CA13: variants seen among roughly 807,000 people sequenced by gnomAD.
CA13 encodes CA-XIII.
CA13 carries 21 observed loss-of-function variants against 31.5 expected under a neutral mutation model. The observed-to-expected ratio is 0.67, with a 90% CI of 0.47 to 0.96. The LOEUF is 0.96. CA13 is among the 40% of genes least tolerant of loss of function. The probability of loss-of-function intolerance (pLI) is 0.00; values close to 1 mark genes in which losing one functional copy is unlikely to be tolerated. For missense variants in CA13, 315 were observed against 318.9 expected (o/e 0.99, Z 0.09); for synonymous variants, 117 against 111.4 (o/e 1.05, Z -0.32).
rs547038360 is a variant in CA13 at position 85,271,866 on chromosome 8, C to T, written c.669+3239C>T. Among the ~76,000 whole-genome samples the T allele has an allele frequency of 1.4e-4, 21 of 152,138 alleles. No individual in the cohort carries two copies. The South Asian group carries it at 3.1e-3, about 23-fold the overall frequency. On this transcript the variant is annotated intron_variant, in intron 6 of 6. Transcript: ENST00000321764. ...GATGGATCACCTAAGGTCTGGAGTT[C>T]GAGACCAGCCTGGTCAACATGGTAA...
intron 2 of CA13, among the ~76,000 whole-genome samples, chr8:85,253,414 G>A (rs1264581421): frequency 1.3e-5 from 2 of 151,886 alleles, no homozygotes; most frequent in Non-Finnish European, 2.9e-5. Flanking sequence ...ACAGGCATGT[G>A]CTCCCATGCC....
chr8:85,246,314 T>A (rs1266895563), intron 1 of CA13: 1 of 455,794 alleles, frequency 2.2e-6, no homozygotes, highest in Admixed American at 2.4e-5. Flanking sequence ...TAAAAATATA[T>A]TTAGGAAATC....
chr8:85,268,232 C>G (rs1393143791), intron 5 of CA13, among the ~76,000 whole-genome samples: 1 of 152,012 alleles, frequency 6.6e-6, no homozygotes, highest in African/African-American at 2.4e-5. Flanking sequence ...ATTTAAGGGA[C>G]CACTTATATG....
At chr8:85,281,146 T>C (rs1372846672) in intron 6 of CA13, 84 bp from the exon 7 acceptor site, 1 of 1,493,102 alleles carries the variant, frequency 6.7e-7, no homozygotes, top group Non-Finnish European at 9.1e-7. Context: ...TTCCTGGTTA[T>C]AGATATATCT....
chr8:85,277,999 A>T (rs796431111), intron 6 of CA13, among the ~76,000 whole-genome samples: 4 of 151,696 alleles, frequency 2.6e-5, no homozygotes, highest in Admixed American at 6.6e-5. Context: ...CCCGGGGGAG[A>T]ATCTTTCACC....
intron 6 of CA13, among the ~76,000 whole-genome samples, chr8:85,276,179 C>A (rs1415076395): frequency 1.3e-5 from 2 of 152,132 alleles, no homozygotes; most frequent in Non-Finnish European, 2.9e-5. Context: ...CCCCGCGGAC[C>A]CCGGGCAGTT....
chr8:85,274,260 A>G (rs1227492462), intron 6 of CA13, among the ~76,000 whole-genome samples: 1 of 152,184 alleles, frequency 6.6e-6, no homozygotes, highest in Non-Finnish European at 1.5e-5. Context: ...TGGAAAAAGA[A>G]AAACTTAATT....
intron 2 of CA13, among the ~76,000 whole-genome samples, chr8:85,251,791 T>C (rs191730241): frequency 7.4e-4 from 113 of 152,356 alleles, no homozygotes; most frequent in Middle Eastern, 6.8e-3. Context: ...ACTAATGTTA[T>C]TTCTTCCATA....
At chr8:85,260,437 G>C (rs918284197) in intron 3 of CA13, among the ~76,000 whole-genome samples, 2 of 152,146 alleles carry the variant, frequency 1.3e-5, no homozygotes, top group East Asian at 3.8e-4. Flanking sequence ...ATGTTCTCAT[G>C]GTTACTGAGC....
intron 3 of CA13, among the ~76,000 whole-genome samples, chr8:85,260,734 T>G (rs1169057094): frequency 6.6e-6 from 1 of 152,242 alleles, no homozygotes; most frequent in Non-Finnish European, 1.5e-5. Flanking sequence ...ATTTGTATGG[T>G]GTCTCAATTT....
intron 3 of CA13, among the ~76,000 whole-genome samples, chr8:85,265,409 G>A (rs994907729): frequency 6.6e-6 from 1 of 152,172 alleles, no homozygotes; most frequent in South Asian, 2.1e-4. Context: ...ACACTTGTGG[G>A]TGTGTTCGAG....
chr8:85,258,401 A>G (rs1021783011), intron 2 of CA13, among the ~76,000 whole-genome samples: 4 of 152,326 alleles, frequency 2.6e-5, no homozygotes, highest in Middle Eastern at 3.4e-3. Flanking sequence ...CAAAGATATG[A>G]CAGATTTTTG....
At chr8:85,261,576 G>A (rs551975703) in intron 3 of CA13, among the ~76,000 whole-genome samples, 7 of 151,612 alleles carry the variant, frequency 4.6e-5, no homozygotes, top group South Asian at 2.1e-4. Context: ...ACAGGCATGC[G>A]CCACCATGCC....
intron 3 of CA13, among the ~76,000 whole-genome samples, chr8:85,261,717 C>T (rs1414506219): frequency 1.3e-5 from 2 of 152,070 alleles, no homozygotes; most frequent in African/African-American, 4.8e-5. Context: ...TGAGCCACCG[C>T]GCCCGGCCAG....
chr8:85,259,262 T>C (rs538349134), intron 2 of CA13, among the ~76,000 whole-genome samples, 159 bp from the exon 3 acceptor site: 53 of 152,234 alleles, frequency 3.5e-4, no homozygotes, highest in Non-Finnish European at 5.6e-4. Context: ...TCTACACATA[T>C]TTAAAAGTGG....
In CA13 at chr8:85,282,124, G is replaced by A. The variant is rs938124933; in HGVS notation, c.*775G>A. 3.9e-5 allele frequency: 6 copies of A among 152,036 alleles called. No homozygotes were observed. The East Asian group carries it at 5.8e-4, about 15-fold the overall frequency. The allele number at this position is 152,036 out of a possible 1,614,324, so 9.4% of individuals were successfully genotyped here. On this transcript the variant is annotated 3_prime_UTR_variant, in exon 7 of 7. Coordinates refer to ENST00000321764, the MANE Select transcript of CA13 (RefSeq NM_198584.3). ...TTCCAGTTCATAAAAAGTAGATTACGTTTTCCTATAAGGATAATTTTTGCA... is the reference window on the plus strand; with the variant it reads ...TTCCAGTTCATAAAAAGTAGATTACATTTTCCTATAAGGATAATTTTTGCA...
chr8:85,262,824 C>T (rs1429070299), intron 3 of CA13, among the ~76,000 whole-genome samples: 1 of 151,736 alleles, frequency 6.6e-6, no homozygotes, highest in Non-Finnish European at 1.5e-5. Flanking sequence ...TGGCATTTGT[C>T]GATTGGTGGG....
At chr8:85,259,661 A>G in intron 3 of CA13, 122 bp downstream of exon 3, 1 of 738,426 alleles carries the variant, frequency 1.4e-6, no homozygotes. Context: ...AGTGTCTGAA[A>G]CTGCTTTATT....
chr8:85,249,924 C>T (rs376084434), intron 1 of CA13: 14 of 375,840 alleles, frequency 3.7e-5, no homozygotes, highest in East Asian at 1.8e-4. Flanking sequence ...CTGATTGGCT[C>T]GTTTCAATTT....
Sources: allele counts gnomAD v4.1 joint callset (sites outside exome capture counted in the v4.1 genomes callset), GRCh38; gene constraint gnomAD v4.1.1; transcripts MANE v1.5; gene names NCBI Gene and HGNC (gene_info 2026-07-23, HGNC 2026-07-21).